The following KIAA1328 variants were observed in gnomAD, a reference collection of about 807,000 sequenced individuals.
KIAA1328 encodes the protein protein hinderin.
Under a neutral mutation model 68.1 loss-of-function variants are expected in KIAA1328, and 52 were observed. The observed-to-expected ratio is 0.76, with a 90% CI of 0.61 to 0.96. The LOEUF is 0.96. KIAA1328 is among the 40% of genes least tolerant of loss of function. KIAA1328 has a pLI of 0.00. For synonymous variants in KIAA1328, 232 were observed against 239.4 expected, an observed-to-expected ratio of 0.97 and a Z score of 0.28; for missense variants, 641 against 677.6, an observed-to-expected ratio of 0.95 and a Z score of 0.60.
chr18:36,935,236 T>C (rs889276729), intron 5 of KIAA1328, among the ~76,000 whole-genome samples: 1 of 152,234 alleles, frequency 6.6e-6, no homozygotes, highest in Non-Finnish European at 1.5e-5. Flanking sequence ...CAGAAGGTGA[T>C]GGCCTACTAA....
chr18:36,993,191 A>G (rs2053258256), intron 6 of KIAA1328, among the ~76,000 whole-genome samples: 1 of 152,198 alleles, frequency 6.6e-6, no homozygotes, highest in Admixed American at 6.5e-5. Flanking sequence ...GCAAACTAAA[A>G]TGAGGCATGA....
Position 37,042,308 on chromosome 18 carries a change from T to C in KIAA1328, c.577-24582T>C, listed in dbSNP as rs1042020661. Among the ~76,000 whole-genome samples the C allele has an allele frequency of 1.1e-4, 16 of 152,338 alleles. 1 individual carries two copies. The highest frequency in any genetic ancestry group is 8.5e-4 in the Admixed American group (13 of 15,304). On this transcript the variant is annotated intron_variant, in intron 6 of 9. Transcript: ENST00000280020. Reference sequence around the variant, plus strand: ...TATACCTTTACCTACAAGATGATCTTTTCTGGTATTCATTATTTCTGTAGA... The same window carrying C: ...TATACCTTTACCTACAAGATGATCTCTTCTGGTATTCATTATTTCTGTAGA...
At chr18:36,959,230 T>TTGG (rs1437078645) in intron 5 of KIAA1328, 78 bp from the exon 6 acceptor site, 1 of 1,339,732 alleles carries the variant, frequency 7.5e-7, no homozygotes, top group African/African-American at 1.5e-5. Context: ...GTTTTGTTTA[T>TTGG]TGGAATATGA....
rs539738340 is a variant in KIAA1328, at chr18:37,081,138, C to T, written c.1232+13593C>T. 1.0e-3 allele frequency among the ~76,000 whole-genome samples: 155 copies of T among 152,128 alleles called. 2 individuals are homozygous for T. The highest frequency in any genetic ancestry group is 3.7e-3 in the African/African-American group (153 of 41,550). Reference sequence around the variant, plus strand: ...CTGGGATTGCAGGCACGCACCACCACACCAGGCTAATTTTTGTATTTTTAG... The same window carrying T: ...CTGGGATTGCAGGCACGCACCACCATACCAGGCTAATTTTTGTATTTTTAG... On this transcript the variant is annotated intron_variant, in intron 7 of 9. Transcript: ENST00000280020.
At chr18:37,115,250 A>T (rs1354450572) in intron 7 of KIAA1328, among the ~76,000 whole-genome samples, 1 of 152,234 alleles carries the variant, frequency 6.6e-6, no homozygotes, top group Middle Eastern at 3.2e-3. Context: ...AAGAACATCG[A>T]TGCAAAAATC....
intron 8 of KIAA1328, among the ~76,000 whole-genome samples, chr18:37,172,614 A>G (rs1265454777): frequency 3.9e-5 from 6 of 152,238 alleles, no homozygotes; most frequent in Admixed American, 3.9e-4. Context: ...GTTTAGAGTT[A>G]CAAAGTGCTG....
rs576826256 is a variant in KIAA1328, at chr18:36,990,125, T to G, written c.576+30690T>G. 1.8e-4 allele frequency among the ~76,000 whole-genome samples: 28 copies of G among 152,344 alleles called. No homozygotes were observed. The Middle Eastern group carries it at 0.01, about 56-fold the overall frequency. ...TGTATTCTCCTTCAGCAATAACTAC[T>G]ATTAACATTAATGTTTATTGTTCTG... On this transcript the variant is annotated intron_variant, in intron 6 of 9. Coordinates refer to ENST00000280020, the MANE Select transcript of KIAA1328 (RefSeq NM_020776.3).
At chr18:37,140,824 A>G (rs2058750120) in intron 7 of KIAA1328, among the ~76,000 whole-genome samples, 1 of 152,182 alleles carries the variant, frequency 6.6e-6, no homozygotes, top group Non-Finnish European at 1.5e-5. Context: ...TTGTTCTATT[A>G]ACAAATAATT....
chr18:36,868,010 C>T lies in KIAA1328; in HGVS notation c.333-17547C>T, dbSNP rs187730001. On this transcript the variant is annotated intron_variant, in intron 4 of 9. Coordinates refer to ENST00000280020, the MANE Select transcript of KIAA1328 (RefSeq NM_020776.3). Reference sequence around the variant, plus strand: ...CTTGACAAGAAAACAGATTAAAGTGCCTGATATGGTTTTCAGTAATCTATG... The same window carrying T: ...CTTGACAAGAAAACAGATTAAAGTGTCTGATATGGTTTTCAGTAATCTATG... Among the ~76,000 whole-genome samples the T allele has an allele frequency of 2.9e-3, 435 of 152,228 alleles. 4 individuals are homozygous for T. The highest frequency in any genetic ancestry group is 7.7e-3 in the Admixed American group (117 of 15,292).
At chr18:37,092,081 G>T (rs1568392590) in intron 7 of KIAA1328, among the ~76,000 whole-genome samples, 1 of 152,142 alleles carries the variant, frequency 6.6e-6, no homozygotes, top group Non-Finnish European at 1.5e-5. Flanking sequence ...CCTGGGGGCT[G>T]ACCCACCCAC....
intron 4 of KIAA1328, among the ~76,000 whole-genome samples, chr18:36,884,123 G>C (rs1219860399): frequency 6.6e-6 from 1 of 151,900 alleles, no homozygotes; most frequent in African/African-American, 2.4e-5. Context: ...AAGTTACTTT[G>C]AAAGATGTTA....
chr18:37,127,788 T>G (rs931258653), intron 7 of KIAA1328, among the ~76,000 whole-genome samples: 6 of 152,144 alleles, frequency 3.9e-5, no homozygotes, highest in African/African-American at 1.4e-4. Context: ...AATTTTTTTA[T>G]AAAGAACACA....
chr18:36,948,825 A>G (rs2051020511), intron 5 of KIAA1328, among the ~76,000 whole-genome samples: 1 of 152,236 alleles, frequency 6.6e-6, no homozygotes, highest in Non-Finnish European at 1.5e-5. Context: ...CTGGGATTAC[A>G]GGCGTAAGCC....
chr18:36,997,277 G>GA (rs2053427198), intron 6 of KIAA1328, among the ~76,000 whole-genome samples: 1 of 152,112 alleles, frequency 6.6e-6, no homozygotes, highest in Non-Finnish European at 1.5e-5. Flanking sequence ...TGTGATTTAG[G>GA]AAGGAGTATA....
intron 7 of KIAA1328, among the ~76,000 whole-genome samples, chr18:37,103,126 C>A (rs1229814105): frequency 3.3e-5 from 5 of 152,090 alleles, no homozygotes; most frequent in Admixed American, 3.3e-4. Context: ...CAATCCCTGT[C>A]AAAATATTAA....
intron 5 of KIAA1328, among the ~76,000 whole-genome samples, chr18:36,887,689 A>G (rs1015307916): frequency 3.9e-5 from 6 of 152,218 alleles, no homozygotes; most frequent in African/African-American, 9.6e-5. Context: ...GAAAGTGAGC[A>G]TTTAGCTTGT....
At chr18:37,106,413 T>TA (rs1299023375) in intron 7 of KIAA1328, among the ~76,000 whole-genome samples, 3 of 149,738 alleles carry the variant, frequency 2.0e-5, no homozygotes, top group Non-Finnish European at 4.4e-5. Context: ...AACTGTCAAC[T>TA]AAAAATCACT....
intron 7 of KIAA1328, among the ~76,000 whole-genome samples, chr18:37,133,809 C>G (rs559007300): frequency 8.9e-4 from 136 of 152,122 alleles, no homozygotes; most frequent in Non-Finnish European, 1.7e-3. Context: ...TAGGTGTGAG[C>G]CATTACTCCC....
intron 5 of KIAA1328, among the ~76,000 whole-genome samples, chr18:36,938,538 G>T (rs1329513248): frequency 6.6e-6 from 1 of 152,060 alleles, no homozygotes; most frequent in Admixed American, 6.6e-5. Flanking sequence ...TTTTCTCCCA[G>T]TCTGTGGATA....
Sources: gnomAD v4.1 joint callset for allele counts (sites outside exome capture counted in the v4.1 genomes callset) on GRCh38, gnomAD v4.1.1 for gene constraint, MANE v1.5 for transcripts, NCBI Gene and HGNC (gene_info 2026-07-23, HGNC 2026-07-21) for gene names.